The following TTBK2 variants were observed in gnomAD, a reference collection of about 807,000 sequenced individuals.
TTBK2 encodes tau tubulin kinase 2, also known as tau-tubulin kinase 2.
Under a neutral mutation model 110.8 loss-of-function variants are expected in TTBK2, and 28 were observed. The ratio of observed to expected loss-of-function variants is 0.25; its 90% CI spans 0.19 to 0.35. TTBK2 has a LOEUF of 0.35. Ranked by LOEUF, TTBK2 falls within the 10% of genes least tolerant of loss-of-function variation. TTBK2 has a pLI of 1.00. For missense variants in TTBK2, 1,369 were observed against 1,500.3 expected, an observed-to-expected ratio of 0.91 and a Z score of 1.45; for synonymous variants, 532 against 527.3, an observed-to-expected ratio of 1.01 and a Z score of -0.12.
chr15:42,817,278 CT>C lies in TTBK2; in HGVS notation c.538-182del, dbSNP rs202141030. 1.6e-4 allele frequency among the ~76,000 whole-genome samples: 24 copies of C among 150,748 alleles called. No homozygotes were observed. The South Asian group carries it at 1.9e-3, about 12-fold the overall frequency. ...TAGAGAGATTATCTCTAAATCACATCTTTAAAAAAAAAAACTGATAAAATTT... is the reference window on the plus strand; with the variant it reads ...TAGAGAGATTATCTCTAAATCACATCTTAAAAAAAAAAACTGATAAAATTT... On this transcript the variant is annotated intron_variant, in intron 6 of 14. Coordinates refer to ENST00000267890, the MANE Select transcript of TTBK2 (RefSeq NM_173500.4).
intron 7 of TTBK2, among the ~76,000 whole-genome samples, chr15:42,813,579 T>G (rs1891816243): frequency 6.6e-6 from 1 of 152,020 alleles, no homozygotes; most frequent in Non-Finnish European, 1.5e-5. Context: ...GCGCAGTGGC[T>G]CACACCTGTA....
At chr15:42,884,595 C>A (rs547559037) in intron 1 of TTBK2, among the ~76,000 whole-genome samples, 1 of 152,302 alleles carries the variant, frequency 6.6e-6, no homozygotes, top group Admixed American at 6.5e-5. Context: ...GGGGAACCAA[C>A]CCTGTGATTA....
Position 42,763,151 on chromosome 15 carries a change from T to C in TTBK2, c.1999-9904A>G, listed in dbSNP as rs1210828521. Among the ~76,000 whole-genome samples, 16 of 60,412 alleles carry C rather than the reference T, an allele frequency of 2.6e-4. 1 individual carries two copies. Among genetic ancestry groups the C allele is most frequent in the African/African-American group, 1.6e-3 (14 of 8,678 alleles). The allele number at this position is 60,412 out of a possible 152,430, so 39.6% of individuals were successfully genotyped here. On this transcript the variant is annotated intron_variant, in intron 13 of 14. Transcript: ENST00000267890. ...ATATACATATATACATACATATATA[T>C]ATATACATATATATATATATATATA...
intron 1 of TTBK2, among the ~76,000 whole-genome samples, chr15:42,899,462 C>G (rs955370987): frequency 6.6e-6 from 1 of 151,478 alleles, no homozygotes; most frequent in Non-Finnish European, 1.5e-5. Flanking sequence ...CAGGTGTGGC[C>G]GGGCACGGTG....
At chr15:42,759,218 G>C (rs1408449825) in intron 13 of TTBK2, among the ~76,000 whole-genome samples, 2 of 152,242 alleles carry the variant, frequency 1.3e-5, no homozygotes, top group African/African-American at 4.8e-5. Flanking sequence ...TAGAGAAACA[G>C]TCTGGCAGTC....
chr15:42,802,518 T>C (rs11632499), intron 9 of TTBK2: 9,285 of 471,280 alleles, frequency 0.02, 116 homozygotes, highest in Admixed American at 0.034. Flanking sequence ...TTTAGCAACA[T>C]TGGTAAAGAA....
At chr15:42,869,805 T>C (rs918213122) in intron 3 of TTBK2, among the ~76,000 whole-genome samples, 7 of 152,182 alleles carry the variant, frequency 4.6e-5, no homozygotes, top group African/African-American at 1.7e-4. Flanking sequence ...AGAAGTACTA[T>C]CTAATAGGCT....
rs756004916 is a variant in TTBK2 at position 42,775,538 on chromosome 15, C to A, written c.1595G>T (p.Ser532Ile). 2 of 1,614,222 alleles carry A rather than the reference C, an allele frequency of 1.2e-6. No homozygotes were observed. The highest frequency in any genetic ancestry group is 2.2e-5 in the South Asian group (2 of 91,090). ...NTPEQADGGG[S>I]NGFIAVNLSS... ...CAGGTTAACAGCTATAAATCCATTG[C>A]TGCCACCACCATCTGCCTGCTCAGG... The change falls in exon 13 of 15, where the codon AGC (serine) becomes ATC (isoleucine). Residue 532 changes from serine to isoleucine, a missense_variant. Physicochemically the swap from Ser to Ile is moderately radical, Grantham distance 142. Around this residue, in one of 4 missense-constraint regions of TTBK2, gnomAD observed 1,097 missense variants for 1,114.7 expected, o/e 0.98. Transcript: ENST00000267890.
chr15:42,796,993 T>C (rs1890973213), intron 9 of TTBK2, among the ~76,000 whole-genome samples: 1 of 152,222 alleles, frequency 6.6e-6, no homozygotes, highest in Non-Finnish European at 1.5e-5. Context: ...ACCTACGTTA[T>C]AGCTTAGACT....
chr15:42,768,851 C>T (rs917197184), intron 13 of TTBK2, among the ~76,000 whole-genome samples: 1 of 152,184 alleles, frequency 6.6e-6, no homozygotes, highest in African/African-American at 2.4e-5. Context: ...TACTACCTGA[C>T]TTCAAACTGT....
intron 1 of TTBK2, among the ~76,000 whole-genome samples, chr15:42,911,655 A>G (rs1331476293): frequency 2.6e-5 from 4 of 152,212 alleles, no homozygotes; most frequent in African/African-American, 9.7e-5. Flanking sequence ...AGAACAAACA[A>G]GACCAAAACA....
chr15:42,883,066 A>G (rs1895106091), intron 1 of TTBK2, among the ~76,000 whole-genome samples: 1 of 152,074 alleles, frequency 6.6e-6, no homozygotes, highest in Non-Finnish European at 1.5e-5. Flanking sequence ...TCCAATGTAA[A>G]CAGATATAAC....
chr15:42,815,958 A>AAAATATATATATATATAT lies in TTBK2; in HGVS notation c.603+1073_603+1074insATATATATATATATATTT, dbSNP rs71108183. On this transcript the variant is annotated intron_variant, in intron 7 of 14. Coordinates refer to ENST00000267890, the MANE Select transcript of TTBK2 (RefSeq NM_173500.4). The stretch of plus-strand genomic sequence containing the variant: ...TATATATATATATATTTAAAAAAAA[A>AAAATATATATATATATAT]ATATATATATATATATATATTTGAG... 1.7e-3 allele frequency among the ~76,000 whole-genome samples: 156 copies of AAAATATATATATATATAT among 91,672 alleles called. 2 individuals carry two copies. The highest frequency in any genetic ancestry group is 0.011 in the Middle Eastern group (2 of 176). The allele number at this position is 91,672 out of a possible 152,430, so 60.1% of individuals were successfully genotyped here. A position where few individuals can be genotyped will look rare whatever the true frequency, so the allele number is the denominator to read the frequency against.
chr15:42,915,188 A>G (rs966985736), intron 1 of TTBK2, among the ~76,000 whole-genome samples: 1 of 152,236 alleles, frequency 6.6e-6, no homozygotes, highest in Non-Finnish European at 1.5e-5. Context: ...TTTAAATTGT[A>G]TATTGTTTTG....
rs1393120666 is a variant in TTBK2, at chr15:42,811,747, A to G, written c.637T>C (p.Phe213Leu). The G allele has an allele frequency of 6.2e-7, 1 of 1,613,760 alleles. No individual in the cohort carries two copies. Among genetic ancestry groups the G allele is most frequent in the Non-Finnish European group, 8.5e-7 (1 of 1,179,802 alleles). Residue 213 changes from phenylalanine (F) to leucine (L), a missense_variant, in exon 8 of 15, where the codon TTC becomes CTC. Around this residue, in one of 4 missense-constraint regions of TTBK2, gnomAD observed 138 missense variants for 179.0 expected, o/e 0.77. Transcript: ENST00000267890. ...ACCACAAACTCCACCAACATGTAGA[A>G]TAAGGACCAAAGGTCATCATGTCTT... ...MGRHDDLWSLFYMLVEFVVGQ... is the reference protein window; with the variant it reads ...MGRHDDLWSLLYMLVEFVVGQ...
rs1333167433 is a variant in TTBK2, at chr15:42,775,351, T to G, written c.1782A>C (p.Gln594His). Residue 594 changes from glutamine to histidine, a missense_variant, in exon 13 of 15, where the codon CAA (glutamine) becomes CAC (histidine). Transcript: ENST00000267890. ...EVLQVLEASP[Q>H]DEKLQLGPWA... Reference sequence around the variant, plus strand: ...AAGGACCTAACTGGAGCTTTTCATCTTGAGGTGATGCCTCCAGGACTTGAA... The same window carrying G: ...AAGGACCTAACTGGAGCTTTTCATCGTGAGGTGATGCCTCCAGGACTTGAA... The G allele has an allele frequency of 2.5e-6, 4 of 1,614,262 alleles. No homozygotes were observed. The highest frequency in any genetic ancestry group is 3.4e-6 in the Non-Finnish European group (4 of 1,180,042).
chr15:42,799,228 G>C (rs1192609471), intron 9 of TTBK2, among the ~76,000 whole-genome samples: 1 of 151,916 alleles, frequency 6.6e-6, no homozygotes, highest in East Asian at 2.0e-4. Flanking sequence ...AAATTAGCCA[G>C]GTGTGGTGGC....
chr15:42,854,338 TAAG>T (rs1288683543), intron 3 of TTBK2, among the ~76,000 whole-genome samples: 7 of 152,216 alleles, frequency 4.6e-5, no homozygotes, highest in Admixed American at 2.6e-4. Flanking sequence ...TTAAAGATCC[TAAG>T]AAGATTTCCT....
chr15:42,756,313 C>T (rs1183741686), intron 13 of TTBK2, among the ~76,000 whole-genome samples: 3 of 151,820 alleles, frequency 2.0e-5, no homozygotes, highest in South Asian at 2.1e-4. Flanking sequence ...AGGCCAAGCA[C>T]GGTGGCTCAT....
Sources: allele counts gnomAD v4.1 joint callset (sites outside exome capture counted in the v4.1 genomes callset), GRCh38; gene constraint gnomAD v4.1.1; regional missense constraint gnomAD v4.1.1; transcripts MANE v1.5; gene names NCBI Gene and HGNC (gene_info 2026-07-23, HGNC 2026-07-21).